Variants in ENO4 observed in about 807,000 individuals in gnomAD.
ENO4 encodes the protein 2-phospho-D-glycerate hydro-lyase.
In ENO4, 53 loss-of-function variants were observed where a neutral mutation model predicts 63.2. That is an observed-to-expected ratio of 0.84 (90% CI 0.67 to 1.05). The LOEUF (loss-of-function observed/expected upper bound fraction) is 1.05. Ranked by LOEUF, ENO4 falls within the 50% of genes least tolerant of loss-of-function variation. ENO4 has a pLI of 0.00. For missense variants in ENO4, 719 were observed against 772.0 expected, an observed-to-expected ratio of 0.93 and a Z score of 0.81; for synonymous variants, 266 against 283.8, an observed-to-expected ratio of 0.94 and a Z score of 0.63.
chr10:116,858,942 G>C, intron 3 of ENO4, 48 bp from the exon 4 acceptor site: 1 of 1,298,604 alleles, frequency 7.7e-7, no homozygotes, highest in Non-Finnish European at 1.1e-6. Context: ...ATCACAGAGT[G>C]ATATTCCTAA....
intron 10 of ENO4, among the ~76,000 whole-genome samples, chr10:116,899,858 C>T (rs1042866145): frequency 3.3e-5 from 5 of 152,114 alleles, no homozygotes; most frequent in African/African-American, 1.2e-4. Context: ...TCAAAGCCAG[C>T]CAGACACAGC....
At chr10:116,911,621 A>G in exon 11 of ENO4, 1 of 1,553,298 alleles carries the variant, frequency 6.4e-7, no homozygotes, top group Non-Finnish European at 8.7e-7. Flanking sequence ...AAAATTATTA[A>G]CATATGTGAT....
At chr10:116,883,624 TG>T (rs1379868520), downstream of ENO4, 1 of 152,508 alleles carries the variant, frequency 6.6e-6, no homozygotes, top group African/African-American at 2.4e-5. Flanking sequence ...AACCAAAAAC[TG>T]GTCTGGAAAG....
At chr10:116,861,514 A>T (rs1326388299) in intron 6 of ENO4, among the ~76,000 whole-genome samples, 1 of 152,186 alleles carries the variant, frequency 6.6e-6, no homozygotes, top group South Asian at 2.1e-4. Context: ...ACTGTGCCCT[A>T]TGGCAGCAGC....
intron 10 of ENO4, among the ~76,000 whole-genome samples, chr10:116,898,944 T>C (rs1847621081): frequency 2.0e-5 from 3 of 152,184 alleles, no homozygotes; most frequent in African/African-American, 2.4e-5. Context: ...TCTATACATA[T>C]GTTGATTTTA....
At chr10:116,892,203 T>A (rs1270586868) in intron 10 of ENO4, among the ~76,000 whole-genome samples, 1 of 152,210 alleles carries the variant, frequency 6.6e-6, no homozygotes, top group African/African-American at 2.4e-5. Context: ...GGGAGCCTTG[T>A]AGCTTGTACC....
chr10:116,873,098 T>A (rs998323579), intron 9 of ENO4, among the ~76,000 whole-genome samples: 2 of 152,236 alleles, frequency 1.3e-5, no homozygotes, highest in African/African-American at 4.8e-5. Flanking sequence ...TAGCTTGATA[T>A]CAGATAATTC....
chr10:116,886,490 G>A (rs754109130), downstream of ENO4: 2 of 1,614,080 alleles, frequency 1.2e-6, no homozygotes, highest in Non-Finnish European at 1.7e-6. Context: ...GTAGAAACAG[G>A]ATCTAAAACT....
chr10:116,857,866 A>T (rs1846310260), intron 3 of ENO4, among the ~76,000 whole-genome samples: 1 of 152,064 alleles, frequency 6.6e-6, no homozygotes, highest in African/African-American at 2.4e-5. Flanking sequence ...AGAACTCCTG[A>T]CCTCAAGTGA....
Position 116,906,579 on chromosome 10 carries a change from T to C in ENO4, c.1195-4920T>C, listed in dbSNP as rs1222317032. Reference sequence around the variant, plus strand: ...ATGTAAAAAGAGACTTAGAAGAAGATGTTTCAGAGATGAAGAGAAGGACTG... The same window carrying C: ...ATGTAAAAAGAGACTTAGAAGAAGACGTTTCAGAGATGAAGAGAAGGACTG... On this transcript the variant is annotated intron_variant, in intron 10 of 10. Coordinates refer to the ENO4 transcript ENST00000369207. The C allele has an allele frequency of 2.6e-6, 4 of 1,532,230 alleles. No individual in the cohort carries two copies. In the South Asian group the frequency reaches 3.8e-5, roughly 15 times the overall value. 94.9% of individuals were successfully genotyped at this position (1,532,230 alleles called of 1,614,324 possible).
chr10:116,903,862 A>G (rs947744874), intron 10 of ENO4, among the ~76,000 whole-genome samples: 2 of 152,204 alleles, frequency 1.3e-5, no homozygotes, highest in African/African-American at 4.8e-5. Context: ...CATTTTAAAA[A>G]ATGTACACCG....
At chr10:116,879,487 G>A in intron 12 of ENO4, 129 bp downstream of exon 12, 1 of 693,030 alleles carries the variant, frequency 1.4e-6, no homozygotes, top group Non-Finnish European at 2.3e-6. Context: ...CTCCCAGATA[G>A]CTACCTTTTG....
At chr10:116,894,302 T>G (rs1341922794) in intron 10 of ENO4, among the ~76,000 whole-genome samples, 1 of 152,206 alleles carries the variant, frequency 6.6e-6, no homozygotes, top group Non-Finnish European at 1.5e-5. Flanking sequence ...TCACTGGAAA[T>G]GAACATTTTC....
downstream of ENO4, chr10:116,886,230 T>C: frequency 7.1e-7 from 1 of 1,400,628 alleles, no homozygotes; most frequent in South Asian, 1.4e-5. Flanking sequence ...AAAGAACCTG[T>C]ATTCTGAATA....
At position 116,858,155 on chromosome 10, in the gene ENO4, A is replaced by G. The variant is rs190453605; in HGVS notation, c.486-835A>G. ...GGACTGGTTCTTCTGTAGACCAACT[A>G]CAGAGATGCCATAAAAACCTCATTG... On this transcript the variant is annotated intron_variant, in intron 3 of 13. Coordinates refer to ENST00000341276, the MANE Select transcript of ENO4 (RefSeq NM_001242699.2). 5.8e-3 allele frequency among the ~76,000 whole-genome samples: 880 copies of G among 152,186 alleles called. 11 individuals are homozygous for G. The highest frequency in any genetic ancestry group is 6.7e-3 in the Non-Finnish European group (458 of 68,012).
chr10:116,865,803 C>T (rs1261721157), intron 7 of ENO4, among the ~76,000 whole-genome samples: 2 of 152,162 alleles, frequency 1.3e-5, no homozygotes, highest in African/African-American at 2.4e-5. Context: ...ATGTCAATAG[C>T]GCCAAGGCTG....
chr10:116,853,864 G>A (rs1323582060), intron 1 of ENO4, among the ~76,000 whole-genome samples: 2 of 152,174 alleles, frequency 1.3e-5, no homozygotes, highest in Non-Finnish European at 2.9e-5. Flanking sequence ...TGTCCAGGTT[G>A]AAGTCACTGG....
chr10:116,907,827 G>T, intron 10 of ENO4: 1 of 504,968 alleles, frequency 2.0e-6, no homozygotes. Flanking sequence ...GACAGCTTTT[G>T]TCCACCAAGG....
chr10:116,858,251 T>G (rs1455859657), intron 3 of ENO4, among the ~76,000 whole-genome samples: 2 of 152,198 alleles, frequency 1.3e-5, no homozygotes, highest in African/African-American at 4.8e-5. Context: ...AAAGTAAGGA[T>G]GAGAAAGGGT....
Sources: gnomAD v4.1 joint callset for allele counts (sites outside exome capture counted in the v4.1 genomes callset) on GRCh38, gnomAD v4.1.1 for gene constraint, MANE v1.5 for transcripts, NCBI Gene and HGNC (gene_info 2026-07-23, HGNC 2026-07-21) for gene names.